PIK3R2: variants seen among roughly 807,000 people sequenced by gnomAD.
The protein encoded by PIK3R2 is phosphoinositide-3-kinase regulatory subunit 2, also known as phosphatidylinositol 3-kinase regulatory subunit beta.
PIK3R2 carries 40 observed loss-of-function variants against 78.5 expected under a neutral mutation model. The observed-to-expected ratio is 0.51, with a 90% CI of 0.40 to 0.66. The LOEUF is 0.66. Ranked by LOEUF, PIK3R2 falls within the 30% of genes least tolerant of loss-of-function variation. The probability of loss-of-function intolerance (pLI) is 0.00; values close to 1 mark genes in which losing one functional copy is unlikely to be tolerated. For missense variants in PIK3R2, 880 were observed against 1,026.6 expected, an observed-to-expected ratio of 0.86 and a Z score of 1.95; for synonymous variants, 473 against 457.7, an observed-to-expected ratio of 1.03 and a Z score of -0.43.
intron 1 of PIK3R2, among the ~76,000 whole-genome samples, chr19:18,154,583 C>A (rs1168878599): frequency 2.0e-5 from 3 of 152,146 alleles, no homozygotes; most frequent in Non-Finnish European, 4.4e-5. Flanking sequence ...CTATGGAGCT[C>A]CCAAAGCACC....
In PIK3R2 at chr19:18,156,022, A is replaced by C; in HGVS notation, c.143A>C (p.Glu48Ala). The change falls in exon 2 of 16, where the codon GAG becomes GCG. Residue 48 changes from glutamate (E) to alanine (A), a missense_variant. By Grantham distance (107) the Glu-to-Ala change is moderately radical. Around this residue, in one of 3 missense-constraint regions of PIK3R2, gnomAD observed 456 missense variants for 486.6 expected, o/e 0.94. Coordinates refer to ENST00000222254, the MANE Select transcript of PIK3R2 (RefSeq NM_005027.4). This position sits in a 1 kb window ranked among gnomAD's most constrained non-coding sequence, Gnocchi z 4.2. Reference protein sequence around the residue: ...LQALGVAEGGERCPQSVGWMP... With the variant: ...LQALGVAEGGARCPQSVGWMP... ...GCGCTGGGCGTGGCCGAGGGTGGCGAGCGCTGCCCACAGAGCGTGGGCTGG... is the reference window on the plus strand; with the variant it reads ...GCGCTGGGCGTGGCCGAGGGTGGCGCGCGCTGCCCACAGAGCGTGGGCTGG... 6.4e-7 allele frequency: 1 copy of C among 1,558,760 alleles called. No individual in the cohort carries two copies. The highest frequency in any genetic ancestry group is 2.4e-5 in the East Asian group (1 of 41,596).
chr19:18,162,909 G>A, intron 9 of PIK3R2, 58 bp from the exon 10 acceptor site: 1 of 1,503,732 alleles, frequency 6.7e-7, no homozygotes, highest in Non-Finnish European at 9.1e-7. Context: ...AAAGGGGACA[G>A]GGATTGAGGG....
At chr19:18,160,449 A>AC in intron 2 of PIK3R2, 22 bp from the exon 3 acceptor site, 4 of 1,451,544 alleles carry the variant, frequency 2.8e-6, no homozygotes, top group Non-Finnish European at 3.9e-6. Flanking sequence ...CCAACATGCA[A>AC]CCCCCCTGTT....
Position 18,169,303 on chromosome 19 carries a change from G to A in PIK3R2, c.*9G>A. 2 of 1,444,150 alleles carry A rather than the reference G, an allele frequency of 1.4e-6. No homozygotes were observed. The highest frequency in any genetic ancestry group is 2.5e-4 in the Middle Eastern group (1 of 3,974). The allele number at this position is 1,444,150 out of a possible 1,614,324, so 89.5% of individuals were successfully genotyped here. On this transcript the variant is annotated 3_prime_UTR_variant, in exon 16 of 16. Coordinates refer to ENST00000222254, the MANE Select transcript of PIK3R2 (RefSeq NM_005027.4). ...CGCCTGCCGCCCGCTGAGCACCGAG[G>A]ACCCGCCCCAAGCAGAGCCGCCCCT... is the stretch of plus-strand genomic sequence containing the variant.
At position 18,163,104 on chromosome 19, in the gene PIK3R2, A is replaced by C; in HGVS notation, c.1247A>C (p.Lys416Thr). ...RHESLAQYNA[K>T]LDTRLLYPVS... Reference sequence around the variant, plus strand: ...GAGTCTCTGGCCCAGTACAATGCCAAGCTGGACACACGGCTCCTCTACCCT... The same window carrying C: ...GAGTCTCTGGCCCAGTACAATGCCACGCTGGACACACGGCTCCTCTACCCT... Residue 416 changes from lysine to threonine, a missense_variant, in exon 10 of 16, where the codon AAG becomes ACG. Physicochemically the swap from Lys to Thr is moderately conservative, Grantham distance 78 (BLOSUM62 -1). Coordinates refer to ENST00000222254, the MANE Select transcript of PIK3R2 (RefSeq NM_005027.4). 2 of 1,613,926 alleles carry C rather than the reference A, an allele frequency of 1.2e-6. No homozygotes were observed. The highest frequency in any genetic ancestry group is 1.7e-6 in the Non-Finnish European group (2 of 1,179,994).
In PIK3R2 at chr19:18,168,736, C is replaced by G; in HGVS notation, c.1819C>G (p.Leu607Val). The change falls in exon 15 of 16, where the codon CTC becomes GTC. Residue 607 changes from leucine (L) to valine (V), a missense_variant. Transcript: ENST00000222254. This position sits in a 1 kb window ranked among gnomAD's most constrained non-coding sequence, Gnocchi z 4.1. Reference sequence around the variant, plus strand: ...CGCCCCCCACCCCAGCCAGTACGCACTCATGGAGGACGAGGACGATCTCCC... The same window carrying G: ...CGCCCCCCACCCCAGCCAGTACGCAGTCATGGAGGACGAGGACGATCTCCC... ...IKNETEDQYA[L>V]MEDEDDLPHH... 6.2e-7 allele frequency: 1 copy of G among 1,613,010 alleles called. No individual in the cohort carries two copies. The highest frequency in any genetic ancestry group is 1.1e-5 in the South Asian group (1 of 91,058).
chr19:18,165,542 A>C (rs2043801516), intron 11 of PIK3R2, among the ~76,000 whole-genome samples: 1 of 151,944 alleles, frequency 6.6e-6, no homozygotes, highest in Non-Finnish European at 1.5e-5. Flanking sequence ...CAAACAAAAA[A>C]AATTTTGAGG....
At chr19:18,155,277 C>G (rs2043665102) in intron 1 of PIK3R2, among the ~76,000 whole-genome samples, 180 bp from the exon 2 acceptor site, 1 of 151,834 alleles carries the variant, frequency 6.6e-6, no homozygotes, top group African/African-American at 2.4e-5. Flanking sequence ...CTCCCAGCAG[C>G]TCCAAGGGAA....
intron 3 of PIK3R2, 45 bp from the exon 4 acceptor site, chr19:18,160,874 G>C: frequency 2.5e-6 from 4 of 1,577,888 alleles, no homozygotes; most frequent in Middle Eastern, 1.9e-4. Flanking sequence ...TCACGAGGTC[G>C]GGGCAGCATT....
chr19:18,169,769 C>T lies in PIK3R2; in HGVS notation c.*475C>T, dbSNP rs1341430282. 1.5e-5 allele frequency: 3 copies of T among 203,878 alleles called. No homozygotes were observed. The highest frequency in any genetic ancestry group is 3.0e-5 in the Non-Finnish European group (3 of 99,170). 12.6% of individuals were successfully genotyped at this position (203,878 alleles called of 1,614,324 possible). A position where few individuals can be genotyped will look rare whatever the true frequency, so the allele number is the denominator to read the frequency against. On this transcript the variant is annotated 3_prime_UTR_variant, in exon 16 of 16. Transcript: ENST00000222254. ...GGAAGGAACTTCACTCTGCTGCTTC[C>T]GAGAACCTCGGCCGTGACATTCGGG...
chr19:18,169,402 C>T lies in PIK3R2; in HGVS notation c.*108C>T. On this transcript the variant is annotated 3_prime_UTR_variant, in exon 16 of 16. Transcript: ENST00000222254. ...CAGCCACATCCAGGGGTCCTCATTT[C>T]TCCGGCTCTGGCTCTTGTTTGGGGT... 3 of 488,034 alleles carry T rather than the reference C, an allele frequency of 6.1e-6. No homozygotes were observed. Among genetic ancestry groups the T allele is most frequent in the Non-Finnish European group, 9.6e-6 (3 of 313,318 alleles). 30.2% of individuals were successfully genotyped at this position (488,034 alleles called of 1,614,324 possible).
rs2147945307 is a variant in PIK3R2 at position 18,156,134 on chromosome 19, G to A, written c.255G>A (p.Arg85=). ...TCCTGGGGCCCGTGGCCCTGGCCCG[G>A]CCCGGCCCTCGCCCACGGGGCCCCC... ...VEFLGPVALA[R]PGPRPRGPRP... The change falls in exon 2 of 16, where the codon CGG becomes CGA. Residue 85 remains arginine (R), a synonymous_variant. Transcript: ENST00000222254. This position sits in a 1 kb window ranked among gnomAD's most constrained non-coding sequence, Gnocchi z 4.2. 3 of 1,499,224 alleles carry A rather than the reference G, an allele frequency of 2.0e-6. No individual in the cohort carries two copies. In the South Asian group the frequency reaches 3.9e-5, roughly 20 times the overall value. 92.9% of individuals were successfully genotyped at this position (1,499,224 alleles called of 1,614,324 possible).
chr19:18,160,870 G>A (rs1196044587), intron 3 of PIK3R2, 49 bp from the exon 4 acceptor site: 1 of 1,572,812 alleles, frequency 6.4e-7, no homozygotes, highest in East Asian at 2.3e-5. Flanking sequence ...GGCCTCACGA[G>A]GTCGGGGCAG....
Position 18,167,128 on chromosome 19 carries a change from A to G in PIK3R2, c.1560-2A>G. ...CTCTGCGCCACCCCACCCCTCCCAC[A>G]GGATCCTGCTGAACTCCGAGCGGCT... On this transcript the variant is annotated splice_acceptor_variant, in intron 12 of 15. Transcript: ENST00000222254. LOFTEE classifies it high-confidence loss of function. This position sits in a 1 kb window ranked among gnomAD's most constrained non-coding sequence, Gnocchi z 4.5. The G allele has an allele frequency of 1.3e-6, 2 of 1,569,612 alleles. No homozygotes were observed. The highest frequency in any genetic ancestry group is 1.7e-6 in the Non-Finnish European group (2 of 1,155,070).
In PIK3R2 at chr19:18,155,841, G is replaced by A. The variant is rs1313254558; in HGVS notation, c.-39G>A. ...AATGGGGCCAGTGGGGCTCCAAGCA[G>A]CCACCTAACCATCCAGACCCCACCC... is the stretch of plus-strand genomic sequence containing the variant. On this transcript the variant is annotated 5_prime_UTR_variant, in exon 2 of 16. Transcript: ENST00000222254. The A allele has an allele frequency of 6.7e-7, 1 of 1,497,270 alleles. No individual in the cohort carries two copies. Among genetic ancestry groups the A allele is most frequent in the Non-Finnish European group, 8.9e-7 (1 of 1,118,142 alleles). The allele number at this position is 1,497,270 out of a possible 1,614,324, so 92.7% of individuals were successfully genotyped here.
chr19:18,166,054 G>T, intron 11 of PIK3R2, 106 bp from the exon 12 acceptor site: 6 of 1,389,160 alleles, frequency 4.3e-6, no homozygotes, highest in Non-Finnish European at 6.1e-6. Context: ...TCTGATAGAG[G>T]GACCAGCTTG....
At chr19:18,162,678 G>A in intron 9 of PIK3R2, 172 bp downstream of exon 9, 1 of 627,372 alleles carries the variant, frequency 1.6e-6, no homozygotes, top group South Asian at 1.9e-5. Flanking sequence ...GAGGTCAGGA[G>A]TTTAAAACCA....
chr19:18,162,454 C>G lies in PIK3R2; in HGVS notation c.1057C>G (p.Leu353Val). The G allele has an allele frequency of 1.2e-6, 2 of 1,613,538 alleles. No individual in the cohort carries two copies. Among genetic ancestry groups the G allele is most frequent in the South Asian group, 1.1e-5 (1 of 91,084 alleles). The change falls in exon 9 of 16, where the codon CTA becomes GTA. Residue 353 changes from leucine (L) to valine (V), a missense_variant. Transcript: ENST00000222254. The part of the protein sequence containing the change: ...KLRDTPDGTF[L>V]VRDASSKIQG... ...CCGGGACACTCCCGATGGCACCTTC[C>G]TAGTCCGAGATGCTTCTAGCAAGAT...
At chr19:18,166,094 C>T (rs775155538) in intron 11 of PIK3R2, 66 bp from the exon 12 acceptor site, 2 of 1,604,152 alleles carry the variant, frequency 1.2e-6, no homozygotes, top group Admixed American at 1.7e-5. Flanking sequence ...TTGAGATGTG[C>T]CTTTACCCCT....
Sources: gnomAD v4.1 joint callset for allele counts (sites outside exome capture counted in the v4.1 genomes callset) on GRCh38, gnomAD v4.1.1 for gene constraint, gnomAD v4.1.1 regional missense constraint, Gnocchi (gnomAD v3.1) non-coding constraint, MANE v1.5 for transcripts, NCBI Gene and HGNC (gene_info 2026-07-23, HGNC 2026-07-21) for gene names.